The following VPS13B variants were observed in gnomAD, a reference collection of about 807,000 sequenced individuals.
VPS13B encodes vacuolar protein sorting 13 homolog B.
VPS13B carries 285 observed loss-of-function variants against 426.4 expected under a neutral mutation model. That is an observed-to-expected ratio of 0.67 (90% CI 0.61 to 0.74). VPS13B has a LOEUF of 0.74. Ranked by LOEUF, VPS13B falls within the 30% of genes least tolerant of loss-of-function variation. The pLI is 0.00. For synonymous variants in VPS13B, 1,676 were observed against 1,676.4 expected (o/e 1.00, Z 0.01); for missense variants, 4,537 against 4,782.6 (o/e 0.95, Z 1.51).
intron 21 of VPS13B, among the ~76,000 whole-genome samples, chr8:99,427,320 T>C (rs113421370): frequency 0.055 from 6,558 of 119,146 alleles, 375 homozygotes; most frequent in African/African-American, 0.15. Flanking sequence ...ACTGTAGCCT[T>C]GTAGTATAGT....
chr8:99,698,072 G>A (rs757504535), intron 35 of VPS13B: 14 of 327,670 alleles, frequency 4.3e-5, no homozygotes, highest in Middle Eastern at 1.2e-3. Flanking sequence ...GGCGAGGGCC[G>A]TGAGAGCAAT....
intron 17 of VPS13B, among the ~76,000 whole-genome samples, chr8:99,243,038 A>G (rs1817015882): frequency 6.6e-6 from 1 of 152,194 alleles, no homozygotes; most frequent in Non-Finnish European, 1.5e-5. Context: ...CTAAATTTTG[A>G]CTAAATCCCG....
intron 40 of VPS13B, among the ~76,000 whole-genome samples, chr8:99,775,202 G>A (rs547142564): frequency 7.2e-5 from 11 of 152,166 alleles, no homozygotes; most frequent in Admixed American, 2.6e-4. Flanking sequence ...AAATGTCTAC[G>A]TATTGAGTAT....
intron 2 of VPS13B, among the ~76,000 whole-genome samples, chr8:99,030,221 G>T (rs202161556): frequency 4.0e-4 from 50 of 123,556 alleles, no homozygotes; most frequent in South Asian, 7.4e-4. Context: ...TGTTTTTTTT[G>T]TTTTTTTTTT....
chr8:99,236,943 C>G (rs950904610), intron 17 of VPS13B, among the ~76,000 whole-genome samples: 1 of 152,176 alleles, frequency 6.6e-6, no homozygotes, highest in African/African-American at 2.4e-5. Flanking sequence ...TCTTGAATTC[C>G]CACGTGTCGT....
intron 31 of VPS13B, among the ~76,000 whole-genome samples, chr8:99,559,974 T>C (rs868746857): frequency 3.0e-4 from 45 of 152,306 alleles, no homozygotes; most frequent in Middle Eastern, 3.4e-3. Flanking sequence ...GGGGATGGCA[T>C]TGAATCTATA....
At chr8:99,370,312 G>A (rs1350640193) in intron 19 of VPS13B, among the ~76,000 whole-genome samples, 1 of 152,178 alleles carries the variant, frequency 6.6e-6, no homozygotes, top group African/African-American at 2.4e-5. Flanking sequence ...TTGATAGGGT[G>A]TTAAGAGACA....
chr8:99,032,829 T>A (rs1842581889), intron 2 of VPS13B, among the ~76,000 whole-genome samples: 1 of 152,050 alleles, frequency 6.6e-6, no homozygotes, highest in Admixed American at 6.6e-5. Flanking sequence ...TGTGAGCCAC[T>A]GCGCCTGGCC....
At chr8:99,503,777 A>G (rs570987471) in intron 27 of VPS13B, among the ~76,000 whole-genome samples, 94 of 152,188 alleles carry the variant, frequency 6.2e-4, no homozygotes, top group Non-Finnish European at 1.0e-3. Context: ...ATCTACCATT[A>G]CTTCCTCCAG....
At chr8:99,808,603 A>AATT (rs541347933) in intron 43 of VPS13B, among the ~76,000 whole-genome samples, 1 of 151,996 alleles carries the variant, frequency 6.6e-6, no homozygotes, top group Non-Finnish European at 1.5e-5. Flanking sequence ...CAAAAGTACT[A>AATT]ATTATTATTA....
chr8:99,809,604 T>G, intron 44 of VPS13B, 74 bp downstream of exon 44: 1 of 1,581,358 alleles, frequency 6.3e-7, no homozygotes. Context: ...TAATTAATAA[T>G]TTTTTTAAAA....
chr8:99,158,142 A>T (rs940833581), intron 15 of VPS13B, among the ~76,000 whole-genome samples: 4 of 152,230 alleles, frequency 2.6e-5, no homozygotes, highest in African/African-American at 9.6e-5. Context: ...TGGCTACACT[A>T]AACAGATTTT....
intron 39 of VPS13B, among the ~76,000 whole-genome samples, chr8:99,731,797 G>C (rs995065760): frequency 1.1e-4 from 16 of 152,194 alleles, no homozygotes; most frequent in Non-Finnish European, 2.1e-4. Flanking sequence ...TCAGTGGGAT[G>C]TGTGGCAAAA....
chr8:99,239,780 T>C (rs772403503), intron 17 of VPS13B, among the ~76,000 whole-genome samples: 11 of 152,120 alleles, frequency 7.2e-5, no homozygotes, highest in Non-Finnish European at 1.6e-4. Context: ...GGTGTCCAGG[T>C]TGAATCCAAG....
intron 19 of VPS13B, among the ~76,000 whole-genome samples, chr8:99,283,913 AGAATTTTTT>A (rs1819291029): frequency 6.6e-6 from 1 of 152,196 alleles, no homozygotes; most frequent in Non-Finnish European, 1.5e-5. Context: ...TGTAGTGCAG[AGAATTTTTT>A]TATCCTACTA....
At chr8:99,541,486 C>T (rs899282655) in intron 30 of VPS13B, among the ~76,000 whole-genome samples, 2 of 152,080 alleles carry the variant, frequency 1.3e-5, no homozygotes, top group Admixed American at 6.5e-5. Flanking sequence ...TGTCCTAATG[C>T]TCTTCTTCCC....
At chr8:99,056,190 G>A (rs1461748472) in intron 3 of VPS13B, among the ~76,000 whole-genome samples, 1 of 152,012 alleles carries the variant, frequency 6.6e-6, no homozygotes, top group Non-Finnish European at 1.5e-5. Flanking sequence ...CCAAGTAGCA[G>A]GGACTACAGG....
chr8:99,781,185 T>A (rs1018472011), intron 42 of VPS13B, among the ~76,000 whole-genome samples: 5 of 152,184 alleles, frequency 3.3e-5, no homozygotes, highest in Non-Finnish European at 5.9e-5. Flanking sequence ...TCTCTGGCTA[T>A]AGATTTTCTT....
chr8:99,632,650 T>G (rs1179333811), intron 33 of VPS13B, among the ~76,000 whole-genome samples: 2 of 151,954 alleles, frequency 1.3e-5, no homozygotes, highest in Non-Finnish European at 2.9e-5. Context: ...AACAAAGTAT[T>G]TGTAATGGAA....
Sources: allele counts gnomAD v4.1 joint callset (sites outside exome capture counted in the v4.1 genomes callset), GRCh38; gene constraint gnomAD v4.1.1; transcripts MANE v1.5; gene names NCBI Gene and HGNC (gene_info 2026-07-23, HGNC 2026-07-21).